The following XPO6 variants were observed in gnomAD, a reference collection of about 807,000 sequenced individuals.
XPO6 encodes exportin-6.
XPO6 carries 3 observed loss-of-function variants against 130.0 expected under a neutral mutation model. That is an observed-to-expected ratio of 0.02 (90% CI 0.01 to 0.06). The LOEUF is 0.06. XPO6 is among the 10% of genes least tolerant of loss of function. XPO6 has a pLI of 1.00. For missense variants in XPO6, 970 were observed against 1,393.0 expected (o/e 0.70, Z 4.83); for synonymous variants, 524 against 548.9 (o/e 0.95, Z 0.63).
Position 28,143,865 on chromosome 16 carries a change from G to A in XPO6, c.1334+2229C>T, listed in dbSNP as rs151114476. 6.3e-3 allele frequency among the ~76,000 whole-genome samples: 966 copies of A among 152,264 alleles called. 4 individuals carry two copies. The highest frequency in any genetic ancestry group is 0.017 in the African/African-American group (692 of 41,542). ...TCAGCCAGGCTGGTCTTGAACTCCT[G>A]ACCTCGTGGTCCCCCTGCCTTGGCC... On this transcript the variant is annotated intron_variant, in intron 9 of 23. Coordinates refer to ENST00000304658, the MANE Select transcript of XPO6 (RefSeq NM_015171.4).
At chr16:28,134,617 C>T (rs748493676) in intron 10 of XPO6, among the ~76,000 whole-genome samples, 1 of 152,186 alleles carries the variant, frequency 6.6e-6, no homozygotes, top group Non-Finnish European at 1.5e-5. Context: ...AGCTCTTGAC[C>T]ATGCCGCAGT....
chr16:28,188,334 T>C (rs1433738197), intron 1 of XPO6, among the ~76,000 whole-genome samples: 1 of 152,156 alleles, frequency 6.6e-6, no homozygotes, highest in Admixed American at 6.5e-5. Flanking sequence ...AGGTGAATCA[T>C]ATGGGTCTCC....
chr16:28,201,410 A>C (rs542395365), intron 1 of XPO6, among the ~76,000 whole-genome samples: 60 of 152,198 alleles, frequency 3.9e-4, no homozygotes, highest in Non-Finnish European at 6.6e-4. Flanking sequence ...GAGGCGAAGC[A>C]GAGTAAGACG....
chr16:28,125,652 A>C (rs1304232396), intron 13 of XPO6, 37 bp downstream of exon 13: 1 of 1,596,054 alleles, frequency 6.3e-7, no homozygotes, highest in Non-Finnish European at 8.6e-7. Context: ...CTGAACTCTG[A>C]AGAAGGAACA....
rs371005110 is a variant in XPO6 at position 28,180,998 on chromosome 16, T to C, written c.37A>G (p.Ser13Gly). ...SEEASLRALE[S>G]LMTEFFHDCT... ...TCGTGAAAAAATTCTGTCATCAGAC[T>C]TTCCAATGCCCTGAGAGAGGCTTCT... The change falls in exon 2 of 24, where the codon AGT becomes GGT. Residue 13 changes from serine to glycine, a missense_variant. By Grantham distance (56) the Ser-to-Gly change is moderately conservative. This residue lies in a region of XPO6 where 21 missense variants were observed against 34.8 expected (regional missense o/e 0.60). Coordinates refer to ENST00000304658, the MANE Select transcript of XPO6 (RefSeq NM_015171.4). 4 of 1,613,520 alleles carry C rather than the reference T, an allele frequency of 2.5e-6. No homozygotes were observed. Among genetic ancestry groups the C allele is most frequent in the Non-Finnish European group, 3.4e-6 (4 of 1,179,866 alleles).
At chr16:28,186,448 C>A (rs1460099120) in intron 1 of XPO6, among the ~76,000 whole-genome samples, 1 of 132,344 alleles carries the variant, frequency 7.6e-6, no homozygotes, top group Non-Finnish European at 1.5e-5. Context: ...TCCTAGTTCA[C>A]TGAGGCCTCA....
intron 6 of XPO6, among the ~76,000 whole-genome samples, chr16:28,161,582 A>C (rs1215671096): frequency 6.6e-6 from 1 of 152,136 alleles, no homozygotes; most frequent in South Asian, 2.1e-4. Context: ...AAAAAAAAAA[A>C]CAAAACATCT....
At chr16:28,115,938 G>A (rs2087042854) in intron 15 of XPO6, among the ~76,000 whole-genome samples, 1 of 152,172 alleles carries the variant, frequency 6.6e-6, no homozygotes, top group Non-Finnish European at 1.5e-5. Context: ...TTCTTCTGTA[G>A]CTTCCTCACC....
Position 28,106,182 on chromosome 16 carries a change from C to T in XPO6, c.2645G>A (p.Gly882Asp). 3 of 1,614,162 alleles carry T rather than the reference C, an allele frequency of 1.9e-6. No individual in the cohort carries two copies. The highest frequency in any genetic ancestry group is 1.1e-5 in the South Asian group (1 of 91,084). The change falls in exon 20 of 24, where the codon GGC (glycine) becomes GAC (aspartate). Residue 882 changes from glycine to aspartate, a missense_variant. Physicochemically the swap from Gly to Asp is moderately conservative, Grantham distance 94 (BLOSUM62 -1). This residue lies in a region of XPO6 where 936 missense variants were observed against 1,306.8 expected (regional missense o/e 0.72). Transcript: ENST00000304658. The surrounding 1 kb of genome is among the most constrained non-coding windows in gnomAD (Gnocchi z 4.2). ...CTCCACCACCCGGCAGCCTGTGCTG[C>T]CCTCGTGGAGGATGCTCTCGGCTAA... ...EQLAESILHE[G>D]STGCRVVEKF...
At chr16:28,209,628 T>G (rs1382321468) in intron 1 of XPO6, among the ~76,000 whole-genome samples, 2 of 121,526 alleles carry the variant, frequency 1.6e-5, no homozygotes, top group Non-Finnish European at 3.3e-5. Context: ...CAACAACAGC[T>G]GAACTCCATC....
intron 10 of XPO6, among the ~76,000 whole-genome samples, chr16:28,134,339 C>G (rs915934333): frequency 6.6e-5 from 10 of 152,232 alleles, no homozygotes; most frequent in African/African-American, 2.4e-4. Context: ...CCCTGGTGGG[C>G]TGTCAGAGAT....
intron 2 of XPO6, among the ~76,000 whole-genome samples, chr16:28,179,436 A>C (rs2043582632): frequency 6.6e-6 from 1 of 152,224 alleles, no homozygotes; most frequent in African/African-American, 2.4e-5. Context: ...TGCCCTAATA[A>C]TTAAGCAAAG....
At chr16:28,139,305 C>G (rs1236546704) in intron 9 of XPO6, among the ~76,000 whole-genome samples, 1 of 152,194 alleles carries the variant, frequency 6.6e-6, no homozygotes, top group Non-Finnish European at 1.5e-5. Flanking sequence ...CTCACAGAAA[C>G]AGAATCTGCC....
At chr16:28,183,903 T>C (rs745767356) in intron 1 of XPO6, among the ~76,000 whole-genome samples, 24 of 152,038 alleles carry the variant, frequency 1.6e-4, no homozygotes, top group Non-Finnish European at 2.5e-4. Flanking sequence ...TTTGCTAACA[T>C]CACACAATCA....
chr16:28,195,740 G>A (rs1456110193), intron 1 of XPO6, among the ~76,000 whole-genome samples: 1 of 152,280 alleles, frequency 6.6e-6, no homozygotes, highest in Middle Eastern at 3.4e-3. Context: ...GTGACAGAGA[G>A]AGACTCGTCT....
intron 1 of XPO6, among the ~76,000 whole-genome samples, chr16:28,183,136 G>A (rs2043644072): frequency 1.3e-5 from 2 of 152,146 alleles, no homozygotes; most frequent in South Asian, 2.1e-4. Flanking sequence ...TTTAGTACTA[G>A]ATTCTTGAGG....
At chr16:28,170,503 T>C (rs986041789) in intron 4 of XPO6, among the ~76,000 whole-genome samples, 2 of 152,192 alleles carry the variant, frequency 1.3e-5, no homozygotes, top group African/African-American at 4.8e-5. Flanking sequence ...TTTATACATG[T>C]CCAGATTCCT....
chr16:28,207,260 GGAAAGAAA>G (rs954149866), intron 1 of XPO6, among the ~76,000 whole-genome samples: 1 of 132,990 alleles, frequency 7.5e-6, no homozygotes, highest in Non-Finnish European at 1.5e-5. Flanking sequence ...AAAAAAAAAA[GGAAAGAAA>G]GAAAGAAAGA....
At chr16:28,114,231 T>C (rs1158475874) in intron 15 of XPO6, among the ~76,000 whole-genome samples, 2 of 151,450 alleles carry the variant, frequency 1.3e-5, no homozygotes, top group Non-Finnish European at 2.9e-5. Flanking sequence ...CTGGACATTT[T>C]GACAATCTGA....
Sources: allele counts gnomAD v4.1 joint callset (sites outside exome capture counted in the v4.1 genomes callset), GRCh38; gene constraint gnomAD v4.1.1; regional missense constraint gnomAD v4.1.1; non-coding constraint Gnocchi (gnomAD v3.1); transcripts MANE v1.5; gene names NCBI Gene and HGNC (gene_info 2026-07-23, HGNC 2026-07-21).